The following EPHA5 variants were observed in gnomAD, a reference collection of about 807,000 sequenced individuals.
The protein encoded by EPHA5 is EPH receptor A5, also known as ephrin type-A receptor 5.
In EPHA5, 60 loss-of-function variants were observed where a neutral mutation model predicts 105.0. The observed-to-expected ratio is 0.57, with a 90% confidence interval of 0.46 to 0.71. The LOEUF (loss-of-function observed/expected upper bound fraction) is 0.71. Ranked by LOEUF, EPHA5 falls within the 30% of genes least tolerant of loss-of-function variation. EPHA5 has a pLI of 0.00. For missense variants in EPHA5, 1,218 were observed against 1,274.7 expected (o/e 0.96, Z 0.68); for synonymous variants, 513 against 449.1 (o/e 1.14, Z -1.80).
chr4:65,361,165 T>C (rs1262715019), intron 11 of EPHA5, among the ~76,000 whole-genome samples: 2 of 151,744 alleles, frequency 1.3e-5, no homozygotes, highest in East Asian at 3.9e-4. Flanking sequence ...AGTTTTCCTT[T>C]ACTCAGCTAT....
chr4:65,335,977 A>C lies in EPHA5; in HGVS notation c.2744T>G (p.Ile915Arg). 4 of 1,613,064 alleles carry C rather than the reference A, an allele frequency of 2.5e-6. No individual in the cohort carries two copies. The highest frequency in any genetic ancestry group is 3.4e-6 in the Non-Finnish European group (4 of 1,179,412). ...DEIVNMLDKLIRNPSSLKTLV... is the reference protein window; with the variant it reads ...DEIVNMLDKLRRNPSSLKTLV... ...CGTCTTCAGACTACTTGGGTTACGTATCAGCTTGTCCAACATGTTGACTAT... is the reference window on the plus strand; with the variant it reads ...CGTCTTCAGACTACTTGGGTTACGTCTCAGCTTGTCCAACATGTTGACTAT... Residue 915 changes from isoleucine to arginine, a missense_variant, in exon 15 of 17, where the codon ATA becomes AGA. Coordinates refer to ENST00000613740, the MANE Select transcript of EPHA5 (RefSeq NM_001281766.3).
At chr4:65,461,236 T>C (rs1217854444) in intron 5 of EPHA5, among the ~76,000 whole-genome samples, 1 of 151,958 alleles carries the variant, frequency 6.6e-6, no homozygotes, top group Non-Finnish European at 1.5e-5. Context: ...ATGAAGACTT[T>C]AAGTGAAGAA....
chr4:65,498,002 ACATAGATACC>A (rs975056724), intron 3 of EPHA5, among the ~76,000 whole-genome samples: 3 of 151,962 alleles, frequency 2.0e-5, no homozygotes, highest in African/African-American at 7.2e-5. Flanking sequence ...ATAGCAGTAA[ACATAGATACC>A]CAATTTAATC....
In EPHA5 at chr4:65,602,051, T is replaced by C. The variant is rs374526735; in HGVS notation, c.500A>G (p.Lys167Arg). ...ESDDQNGRNI[K>R]ENQYIKIDTI... ...ATCAATTTTGATGTATTGGTTTTCC[T>C]TGATGTTTCTCCCATTCTGATCATC... The change falls in exon 3 of 17, where the codon AAG (lysine) becomes AGG (arginine). Residue 167 changes from lysine to arginine, a missense_variant. Physicochemically the swap from Lys to Arg is conservative, Grantham distance 26. This residue lies in a region of EPHA5 where 233 missense variants were observed against 227.5 expected (regional missense o/e 1.02). Transcript: ENST00000613740. The C allele has an allele frequency of 8.7e-6, 14 of 1,614,068 alleles. No individual in the cohort carries two copies. Among genetic ancestry groups the C allele is most frequent in the Admixed American group, 3.3e-5 (2 of 59,994 alleles).
chr4:65,510,259 G>T (rs1733482510), intron 3 of EPHA5, among the ~76,000 whole-genome samples: 1 of 150,892 alleles, frequency 6.6e-6, no homozygotes, highest in Non-Finnish European at 1.5e-5. Context: ...TGGTCAGGCT[G>T]GTCTCGAACT....
chr4:65,344,594 T>C (rs754962580), intron 14 of EPHA5, among the ~76,000 whole-genome samples: 11 of 152,158 alleles, frequency 7.2e-5, no homozygotes, highest in South Asian at 2.1e-4. Context: ...TTGAGTGAAG[T>C]AGACACGTGG....
At chr4:65,407,018 T>C (rs1722427216) in intron 7 of EPHA5, among the ~76,000 whole-genome samples, 1 of 152,110 alleles carries the variant, frequency 6.6e-6, no homozygotes, top group South Asian at 2.1e-4. Flanking sequence ...ATCACTCACC[T>C]ATTTGATTCA....
At chr4:65,359,781 G>A (rs1189565464) in intron 11 of EPHA5, among the ~76,000 whole-genome samples, 1 of 151,492 alleles carries the variant, frequency 6.6e-6, no homozygotes, top group African/African-American at 2.4e-5. Flanking sequence ...TCAACACTGG[G>A]TCCTACCACC....
intron 13 of EPHA5, among the ~76,000 whole-genome samples, chr4:65,350,379 A>C (rs1345316323): frequency 1.3e-5 from 2 of 150,962 alleles, no homozygotes; most frequent in African/African-American, 4.8e-5. Context: ...TAAAAAAAAA[A>C]CCCTTATAAT....
chr4:65,629,849 T>C lies in EPHA5; in HGVS notation c.246+13514A>G, dbSNP rs1484446003. Among the ~76,000 whole-genome samples the C allele has an allele frequency of 3.3e-5, 5 of 152,274 alleles. No individual in the cohort carries two copies. The East Asian group carries it at 7.7e-4, about 24-fold the overall frequency. On this transcript the variant is annotated intron_variant, in intron 2 of 16. Transcript: ENST00000613740. ...GCACAGGTGAACCAAGTGGAGCCCA[T>C]TACAATATTTCATTGTGGAATTTGG...
At chr4:65,383,478 A>G (rs919788391) in intron 8 of EPHA5, among the ~76,000 whole-genome samples, 1 of 151,886 alleles carries the variant, frequency 6.6e-6, no homozygotes, top group African/African-American at 2.4e-5. Flanking sequence ...CACTGCTACC[A>G]GTAAAAACAA....
At chr4:65,492,284 C>T (rs1020467485) in intron 4 of EPHA5, among the ~76,000 whole-genome samples, 1 of 151,982 alleles carries the variant, frequency 6.6e-6, no homozygotes, top group East Asian at 1.9e-4. Flanking sequence ...TCATTGCCAC[C>T]TCCGCCTCCC....
At chr4:65,351,680 A>G in intron 12 of EPHA5, 82 bp from the exon 13 acceptor site, 1 of 1,213,152 alleles carries the variant, frequency 8.2e-7, no homozygotes, top group Non-Finnish European at 1.2e-6. Flanking sequence ...CAATCCCCCA[A>G]ATTGATACTA....
chr4:65,361,523 A>G (rs925300013), intron 11 of EPHA5, among the ~76,000 whole-genome samples: 3 of 150,124 alleles, frequency 2.0e-5, no homozygotes, highest in African/African-American at 7.5e-5. Context: ...GGAAAGTGAC[A>G]AAATGGGAAG....
intron 3 of EPHA5, among the ~76,000 whole-genome samples, chr4:65,548,276 A>G (rs1737578618): frequency 1.3e-5 from 2 of 149,426 alleles, no homozygotes; most frequent in Admixed American, 6.7e-5. Flanking sequence ...ATACAAAAGT[A>G]TAACAAAGTT....
intron 5 of EPHA5, among the ~76,000 whole-genome samples, chr4:65,431,903 G>A (rs1253691245): frequency 6.6e-6 from 1 of 151,790 alleles, no homozygotes; most frequent in Non-Finnish European, 1.5e-5. Flanking sequence ...TAAAAAAAAA[G>A]ATCCAATCCA....
At chr4:65,497,024 C>A (rs1732012598) in intron 3 of EPHA5, among the ~76,000 whole-genome samples, 1 of 152,122 alleles carries the variant, frequency 6.6e-6, no homozygotes, top group South Asian at 2.1e-4. Flanking sequence ...GCTAATAAAG[C>A]CAAACTTTAA....
chr4:65,410,729 T>C (rs559475139), intron 7 of EPHA5, among the ~76,000 whole-genome samples: 2 of 152,334 alleles, frequency 1.3e-5, no homozygotes, highest in East Asian at 3.9e-4. Flanking sequence ...TGTATTGCTG[T>C]TACAATTACA....
At chr4:65,382,900 G>C (rs1205024004) in intron 8 of EPHA5, among the ~76,000 whole-genome samples, 2 of 151,386 alleles carry the variant, frequency 1.3e-5, no homozygotes, top group Non-Finnish European at 3.0e-5. Flanking sequence ...TGAATACAAG[G>C]GAAAGGCTTG....
Sources: allele counts gnomAD v4.1 joint callset (sites outside exome capture counted in the v4.1 genomes callset), GRCh38; gene constraint gnomAD v4.1.1; regional missense constraint gnomAD v4.1.1; transcripts MANE v1.5; gene names NCBI Gene and HGNC (gene_info 2026-07-23, HGNC 2026-07-21).